BEND4: variants seen among roughly 807,000 people sequenced by gnomAD.
The protein encoded by BEND4 is BEN domain-containing protein 4.
In BEND4, 27 loss-of-function variants were observed where a neutral mutation model predicts 54.7. That is an observed-to-expected ratio of 0.49 (90% confidence interval 0.36 to 0.68). The LOEUF is 0.68. BEND4 is among the 30% of genes least tolerant of loss of function. The pLI, the probability that BEND4 is intolerant of heterozygous loss-of-function variation, is 0.00. For synonymous variants in BEND4, 327 were observed against 299.5 expected, an observed-to-expected ratio of 1.09 and a Z score of -0.95; for missense variants, 702 against 697.2, an observed-to-expected ratio of 1.01 and a Z score of -0.08.
chr4:42,152,391 G>A lies in BEND4; in HGVS notation c.-233-15C>T, dbSNP rs1484436965. On this transcript the variant is annotated splice_polypyrimidine_tract_variant and intron_variant, in intron 1 of 5. Coordinates refer to ENST00000502486, the MANE Select transcript of BEND4 (RefSeq NM_207406.4). ...CTCGCCAATGCCTGGAGGGAGAAAGGAGGTAAAGAGCAAGTGTTTAGGGTA... is the reference window on the plus strand; with the variant it reads ...CTCGCCAATGCCTGGAGGGAGAAAGAAGGTAAAGAGCAAGTGTTTAGGGTA... The A allele has an allele frequency of 2.5e-5, 7 of 279,682 alleles. No individual in the cohort carries two copies. The highest frequency in any genetic ancestry group is 1.6e-4 in the African/African-American group (7 of 45,134). The allele number at this position is 279,682 out of a possible 1,614,324, so 17.3% of individuals were successfully genotyped here. A position where few individuals can be genotyped will look rare whatever the true frequency, so the allele number is the denominator to read the frequency against.
At position 42,112,329 on chromosome 4, in the gene BEND4, A is replaced by G. The variant is rs756573142; in HGVS notation, c.*5189T>C. On this transcript the variant is annotated 3_prime_UTR_variant, in exon 6 of 6. Coordinates refer to ENST00000502486, the MANE Select transcript of BEND4 (RefSeq NM_207406.4). ...TACTTATCCAAGTAACTGTCACACA[A>G]TAACTCAATAGATAGATATTAACTA... 4 of 152,200 alleles carry G rather than the reference A, an allele frequency of 2.6e-5. No homozygotes were observed. Among genetic ancestry groups the G allele is most frequent in the Non-Finnish European group, 4.4e-5 (3 of 68,026 alleles). 9.4% of individuals were successfully genotyped at this position (152,200 alleles called of 1,614,324 possible).
At chr4:42,149,131 G>A (rs1394855093) in intron 2 of BEND4, among the ~76,000 whole-genome samples, 5 of 152,082 alleles carry the variant, frequency 3.3e-5, no homozygotes, top group African/African-American at 7.2e-5. Flanking sequence ...AGTTTACTAG[G>A]TAGCCTGAAA....
At chr4:42,137,274 T>C (rs1225125923) in intron 3 of BEND4, among the ~76,000 whole-genome samples, 5 of 152,204 alleles carry the variant, frequency 3.3e-5, no homozygotes, top group African/African-American at 1.2e-4. Context: ...ATATTAACAA[T>C]ACTCTTCAAC....
In BEND4 at chr4:42,151,880, G is replaced by C. The variant is rs1321950978; in HGVS notation, c.264C>G (p.Pro88=). The change falls in exon 2 of 6, where the codon CCC becomes CCG. Residue 88 remains proline, a synonymous_variant. Coordinates refer to ENST00000502486, the MANE Select transcript of BEND4 (RefSeq NM_207406.4). ...QQFQAQSSYP[P]GPGRAAAAAS... is the part of the protein sequence containing the mutation. ...CGGCGGCGGCGGCCCGGCCGGGCCCGGGGGGGTAGGAGCTCTGCGCCTGGA... is the reference window on the plus strand; with the variant it reads ...CGGCGGCGGCGGCCCGGCCGGGCCCCGGGGGGTAGGAGCTCTGCGCCTGGA... The C allele has an allele frequency of 2.3e-6, 3 of 1,302,422 alleles. No homozygotes were observed. Among genetic ancestry groups the C allele is most frequent in the Non-Finnish European group, 2.9e-6 (3 of 1,034,252 alleles). 80.7% of individuals were successfully genotyped at this position (1,302,422 alleles called of 1,614,324 possible).
chr4:42,147,020 T>A (rs1156401432), intron 2 of BEND4, among the ~76,000 whole-genome samples: 1 of 152,206 alleles, frequency 6.6e-6, no homozygotes, highest in South Asian at 2.1e-4. Flanking sequence ...TGTAATATAC[T>A]ACATTATGAA....
In BEND4 at chr4:42,151,662, C is replaced by T. The variant is rs780554839; in HGVS notation, c.482G>A (p.Ser161Asn). The T allele has an allele frequency of 2.7e-6, 4 of 1,485,626 alleles. No homozygotes were observed. Among genetic ancestry groups the T allele is most frequent in the East Asian group, 2.9e-5 (1 of 34,430 alleles). 92.0% of individuals were successfully genotyped at this position (1,485,626 alleles called of 1,614,324 possible). The change falls in exon 2 of 6, where the codon AGC becomes AAC. Residue 161 changes from serine (S) to asparagine (N), a missense_variant. Physicochemically the swap from Ser to Asn is conservative, Grantham distance 46. Transcript: ENST00000502486. ...GTTGTGCGGAGAGTTGGTACCTGCG[C>T]TGAGCTCCAGGCTGGCGCTGTCGCT... Reference protein sequence around the residue: ...TGSDSASLELSAESRMILDAF... With the variant: ...TGSDSASLELNAESRMILDAF...
intron 2 of BEND4, among the ~76,000 whole-genome samples, chr4:42,149,980 G>C (rs543860090): frequency 6.6e-6 from 1 of 152,136 alleles, no homozygotes; most frequent in African/African-American, 2.4e-5. Flanking sequence ...GACCTGGGCA[G>C]ATAGAGGGGA....
intron 4 of BEND4, among the ~76,000 whole-genome samples, chr4:42,122,971 G>A (rs187559363): frequency 2.0e-4 from 30 of 152,288 alleles, no homozygotes; most frequent in Admixed American, 1.9e-3. Context: ...TGATCTGGCA[G>A]CTGACAATCC....
chr4:42,152,159 C>T lies in BEND4; in HGVS notation c.-16G>A, dbSNP rs1337710861. The T allele has an allele frequency of 8.1e-7, 1 of 1,240,908 alleles. No homozygotes were observed. Among genetic ancestry groups the T allele is most frequent in the Non-Finnish European group, 1.0e-6 (1 of 984,476 alleles). The allele number at this position is 1,240,908 out of a possible 1,614,324, so 76.9% of individuals were successfully genotyped here. A position where few individuals can be genotyped will look rare whatever the true frequency, so the allele number is the denominator to read the frequency against. ...CTTCCTCCATCCGGCGCCTCGGGGC[C>T]GGTCCCTCGGAGCACGTCCCCTCCC... On this transcript the variant is annotated 5_prime_UTR_variant, in exon 2 of 6. Coordinates refer to ENST00000502486, the MANE Select transcript of BEND4 (RefSeq NM_207406.4).
At position 42,125,606 on chromosome 4, in the gene BEND4, G is replaced by A; in HGVS notation, c.1123C>T (p.Gln375Ter). ...ACCTCTGTCGGCTGGTCAGCTGGCT[G>A]TGGTATCAGGAGTTGGTTGTGGTGC... ...LQHHNQLLIP[Q>*]PADQPTEGSK... Residue 375 changes from glutamine to a stop codon, truncating the protein, a stop_gained, in exon 4 of 6, where the codon CAG (glutamine) becomes TAG (stop). Transcript: ENST00000502486. LOFTEE classifies it high-confidence loss of function. 1 of 1,613,856 alleles carries A rather than the reference G, an allele frequency of 6.2e-7. No individual in the cohort carries two copies. The highest frequency in any genetic ancestry group is 8.5e-7 in the Non-Finnish European group (1 of 1,179,760).
intron 2 of BEND4, among the ~76,000 whole-genome samples, chr4:42,146,333 G>A (rs1721080696): frequency 6.6e-6 from 1 of 152,244 alleles, no homozygotes; most frequent in Non-Finnish European, 1.5e-5. Flanking sequence ...TGGGTTGGTT[G>A]TAAATTCCAA....
chr4:42,139,031 C>G (rs1371014044), intron 3 of BEND4, among the ~76,000 whole-genome samples: 1 of 152,134 alleles, frequency 6.6e-6, no homozygotes, highest in Non-Finnish European at 1.5e-5. Context: ...GTTGACTAAG[C>G]TTCCTAAGTA....
Position 42,116,211 on chromosome 4 carries a change from G to A in BEND4, c.*1307C>T, listed in dbSNP as rs1719825344. 1 of 152,104 alleles carries A rather than the reference G, an allele frequency of 6.6e-6. No homozygotes were observed. The allele number at this position is 152,104 out of a possible 1,614,324, so 9.4% of individuals were successfully genotyped here. On this transcript the variant is annotated 3_prime_UTR_variant, in exon 6 of 6. Transcript: ENST00000502486. ...ATGACATTAGTAGCCTTCAATAAAC[G>A]CTGTCCATTTAGCCCTTTGCTCTAC...
In BEND4 at chr4:42,120,289, G is replaced by A; in HGVS notation, c.1152C>T (p.Ser384=). The change falls in exon 5 of 6, where the codon AGC becomes AGT. Residue 384 remains serine (S), a synonymous_variant. Transcript: ENST00000502486. The part of the protein sequence containing the change: ...PQPADQPTEG[S]KQLLNNYPVY... ...CAGGATAGTTGTTCAACAGCTGCTT[G>A]CTTCCCTGGAAAAGCGAAATATTTT... 6.3e-7 allele frequency: 1 copy of A among 1,592,762 alleles called. No individual in the cohort carries two copies.
chr4:42,127,472 C>G (rs186739337), intron 3 of BEND4, among the ~76,000 whole-genome samples: 66 of 152,294 alleles, frequency 4.3e-4, no homozygotes, highest in African/African-American at 1.5e-3. Flanking sequence ...AAAGTCCAAC[C>G]CTTTTTACTG....
intron 3 of BEND4, among the ~76,000 whole-genome samples, chr4:42,128,344 C>T (rs1720366477): frequency 6.6e-6 from 1 of 152,226 alleles, no homozygotes; most frequent in Non-Finnish European, 1.5e-5. Context: ...AAGTTCTGGG[C>T]CAGGCACAGT....
intron 3 of BEND4, among the ~76,000 whole-genome samples, chr4:42,127,694 G>A (rs748439837): frequency 5.3e-5 from 8 of 152,170 alleles, no homozygotes; most frequent in Admixed American, 6.5e-5. Flanking sequence ...GCAGCATTCT[G>A]TTCTTCACAG....
intron 2 of BEND4, among the ~76,000 whole-genome samples, chr4:42,146,410 T>G (rs893827598): frequency 1.3e-5 from 2 of 152,262 alleles, no homozygotes; most frequent in Non-Finnish European, 2.9e-5. Context: ...AAACAATTTG[T>G]TAGCTTGATT....
At chr4:42,121,704 C>T (rs1280688730) in intron 4 of BEND4, among the ~76,000 whole-genome samples, 5 of 152,118 alleles carry the variant, frequency 3.3e-5, no homozygotes, top group South Asian at 2.1e-4. Flanking sequence ...CCTTCAGCCC[C>T]GGTTGCAGTT....
Sources: allele counts gnomAD v4.1 joint callset (sites outside exome capture counted in the v4.1 genomes callset), GRCh38; gene constraint gnomAD v4.1.1; transcripts MANE v1.5; gene names NCBI Gene and HGNC (gene_info 2026-07-23, HGNC 2026-07-21).